The following ADAMTS19 variants were observed in gnomAD, a reference collection of about 807,000 sequenced individuals.
ADAMTS19 encodes A disintegrin and metalloproteinase with thrombospondin motifs 19.
ADAMTS19 carries 93 observed loss-of-function variants against 153.3 expected under a neutral mutation model. The ratio of observed to expected loss-of-function variants is 0.61; its 90% confidence interval spans 0.51 to 0.72. The LOEUF (loss-of-function observed/expected upper bound fraction) is 0.72. Among genes scored for constraint, ADAMTS19 ranks in the 30% least tolerant of loss-of-function variants. The pLI is 0.00. For synonymous variants in ADAMTS19, 600 were observed against 556.6 expected, an observed-to-expected ratio of 1.08 and a Z score of -1.10; for missense variants, 1,482 against 1,552.1, an observed-to-expected ratio of 0.95 and a Z score of 0.76.
intron 3 of ADAMTS19, among the ~76,000 whole-genome samples, chr5:129,517,019 C>T (rs1751639142): frequency 6.6e-6 from 1 of 151,022 alleles, no homozygotes; most frequent in Non-Finnish European, 1.5e-5. Flanking sequence ...ATTTCCTTCT[C>T]ACTTTCTTCA....
intron 2 of ADAMTS19, among the ~76,000 whole-genome samples, chr5:129,507,154 G>A (rs920591095): frequency 6.6e-6 from 1 of 152,006 alleles, no homozygotes; most frequent in Non-Finnish European, 1.5e-5. Context: ...TTCAGAAACT[G>A]AGCATGTTTG....
At chr5:129,688,346 A>G (rs1319915239) in intron 18 of ADAMTS19, 1 of 152,216 alleles carries the variant, frequency 6.6e-6, no homozygotes, top group Non-Finnish European at 1.5e-5. Context: ...ACAGGGCAGT[A>G]TAAAATGTGT....
intron 16 of ADAMTS19, among the ~76,000 whole-genome samples, chr5:129,667,076 G>A (rs190293174): frequency 3.9e-5 from 6 of 152,096 alleles, no homozygotes; most frequent in East Asian, 3.9e-4. Flanking sequence ...TACAGTAAAC[G>A]CCTTTTATAA....
chr5:129,709,697 C>T (rs771489576), intron 21 of ADAMTS19, among the ~76,000 whole-genome samples: 16 of 152,096 alleles, frequency 1.1e-4, no homozygotes, highest in Non-Finnish European at 2.1e-4. Flanking sequence ...TTAACAAAAA[C>T]ATTCCTTACG....
intron 2 of ADAMTS19, among the ~76,000 whole-genome samples, chr5:129,462,609 G>T (rs929529849): frequency 6.7e-6 from 1 of 149,836 alleles, no homozygotes. Context: ...TTGTGTGTGT[G>T]TGTGTGTGGG....
chr5:129,500,057 T>A (rs1039132270), intron 2 of ADAMTS19, among the ~76,000 whole-genome samples: 1 of 152,192 alleles, frequency 6.6e-6, no homozygotes, highest in African/African-American at 2.4e-5. Context: ...AGACTTCTGG[T>A]AAATTTAGTC....
intron 21 of ADAMTS19, among the ~76,000 whole-genome samples, chr5:129,733,480 T>G (rs1285086020): frequency 6.6e-6 from 1 of 151,792 alleles, no homozygotes; most frequent in East Asian, 1.9e-4. Context: ...ACTAGCCCCA[T>G]TAAAAAGTGG....
chr5:129,673,914 C>T (rs1156636433), intron 16 of ADAMTS19, among the ~76,000 whole-genome samples: 2 of 151,780 alleles, frequency 1.3e-5, no homozygotes, highest in Non-Finnish European at 2.9e-5. Context: ...TATTTCTTGC[C>T]CTTGTCCATG....
chr5:129,725,548 T>C (rs574905380), intron 21 of ADAMTS19, among the ~76,000 whole-genome samples: 1 of 152,256 alleles, frequency 6.6e-6, no homozygotes, highest in African/African-American at 2.4e-5. Context: ...TGAGATCTTA[T>C]TGGAAAGTTG....
At chr5:129,697,023 A>G (rs1755589093) in intron 19 of ADAMTS19, among the ~76,000 whole-genome samples, 1 of 152,226 alleles carries the variant, frequency 6.6e-6, no homozygotes, top group Non-Finnish European at 1.5e-5. Context: ...CAGTTTCCCC[A>G]ACAAGACACA....
intron 2 of ADAMTS19, chr5:129,500,296 A>G (rs1178827365): frequency 6.6e-6 from 1 of 152,148 alleles, no homozygotes; most frequent in Non-Finnish European, 1.5e-5. Context: ...CTCCTCTAGC[A>G]TTGGAACTGT....
chr5:129,625,041 A>G (rs1751963287), intron 10 of ADAMTS19, among the ~76,000 whole-genome samples: 2 of 150,932 alleles, frequency 1.3e-5, no homozygotes, highest in Admixed American at 1.3e-4. Flanking sequence ...CCTCTGTCCA[A>G]GTGTTCTCAT....
intron 7 of ADAMTS19, among the ~76,000 whole-genome samples, chr5:129,590,945 T>C (rs1750104362): frequency 6.6e-6 from 1 of 152,240 alleles, no homozygotes; most frequent in Non-Finnish European, 1.5e-5. Context: ...TGCAGTTCCT[T>C]TAACACACCC....
At position 129,548,050 on chromosome 5, in the gene ADAMTS19, T is replaced by C. The variant is rs535208254; in HGVS notation, c.1329-3814T>C. ...CAAGATGGATTAAAGACTTAAACGT[T>C]AGAACTAAAACCATAAAAAACCTAG... On this transcript the variant is annotated intron_variant, in intron 6 of 22. Coordinates refer to ENST00000274487, the MANE Select transcript of ADAMTS19 (RefSeq NM_133638.6). Among the ~76,000 whole-genome samples, 96 of 150,696 alleles carry C rather than the reference T, an allele frequency of 6.4e-4. 5 individuals carry two copies. Among genetic ancestry groups the C allele is most frequent in the African/African-American group, 2.3e-3 (92 of 40,072 alleles).
chr5:129,728,982 A>G (rs1316788767), intron 21 of ADAMTS19, among the ~76,000 whole-genome samples: 5 of 152,144 alleles, frequency 3.3e-5, no homozygotes, highest in African/African-American at 1.2e-4. Flanking sequence ...AAAGTGGATA[A>G]TAGTTAATGA....
chr5:129,686,255 G>T (rs1755084187), intron 18 of ADAMTS19, among the ~76,000 whole-genome samples: 1 of 152,080 alleles, frequency 6.6e-6, no homozygotes, highest in South Asian at 2.1e-4. Context: ...TTGACCTGAG[G>T]TTGTATGCAA....
In ADAMTS19 at chr5:129,645,885, A is replaced by ATTT. The variant is rs529444004; in HGVS notation, c.1873-1861_1873-1859dup. 1.0e-3 allele frequency among the ~76,000 whole-genome samples: 100 copies of ATTT among 97,090 alleles called. 9 individuals carry two copies. The highest frequency in any genetic ancestry group is 3.6e-3 in the African/African-American group (81 of 22,506). The allele number at this position is 97,090 out of a possible 152,430, so 63.7% of individuals were successfully genotyped here. The stretch of plus-strand genomic sequence containing the variant: ...CACATGGTTTCTTTCTCCTTTTCCA[A>ATTT]TTTTTTTTTTTTTTTTTTTTTGAGA... On this transcript the variant is annotated intron_variant, in intron 11 of 22. Coordinates refer to ENST00000274487, the MANE Select transcript of ADAMTS19 (RefSeq NM_133638.6).
intron 22 of ADAMTS19, among the ~76,000 whole-genome samples, chr5:129,735,690 GCCTT>G (rs2127229391): frequency 6.6e-6 from 1 of 152,032 alleles, no homozygotes; most frequent in African/African-American, 2.4e-5. Context: ...GTTATGAAAT[GCCTT>G]CATATATATA....
chr5:129,556,395 G>C (rs1753312515), intron 7 of ADAMTS19, among the ~76,000 whole-genome samples: 1 of 152,158 alleles, frequency 6.6e-6, no homozygotes, highest in Non-Finnish European at 1.5e-5. Context: ...GGGAAATAAA[G>C]TATATTTCAT....
Sources: allele counts gnomAD v4.1 joint callset (sites outside exome capture counted in the v4.1 genomes callset), GRCh38; gene constraint gnomAD v4.1.1; transcripts MANE v1.5; gene names NCBI Gene and HGNC (gene_info 2026-07-23, HGNC 2026-07-21).